The following UGGT1 variants were observed in gnomAD, a reference collection of about 807,000 sequenced individuals.
The protein encoded by UGGT1 is UDP-glucose:glycoprotein glucosyltransferase 1.
Under a neutral mutation model 203.9 loss-of-function variants are expected in UGGT1, and 107 were observed. The ratio of observed to expected loss-of-function variants is 0.52; its 90% CI spans 0.45 to 0.62. The LOEUF (loss-of-function observed/expected upper bound fraction) is 0.62. Among genes scored for constraint, UGGT1 ranks in the 20% least tolerant of loss-of-function variants. UGGT1 has a pLI of 0.00. For missense variants in UGGT1, 1,673 were observed against 1,867.2 expected (o/e 0.90, Z 1.92); for synonymous variants, 628 against 653.5 (o/e 0.96, Z 0.59).
chr2:128,166,158 A>G (rs1053410167), intron 26 of UGGT1, among the ~76,000 whole-genome samples: 3 of 152,218 alleles, frequency 2.0e-5, no homozygotes, highest in Non-Finnish European at 4.4e-5. Flanking sequence ...GAGCACCCAA[A>G]TATCCTTCAC....
chr2:128,134,775 A>G lies in UGGT1; in HGVS notation c.1498-101A>G, dbSNP rs1303552632. 4 of 972,532 alleles carry G rather than the reference A, an allele frequency of 4.1e-6. No homozygotes were observed. The East Asian group carries it at 7.7e-5, about 19-fold the overall frequency. The allele number at this position is 972,532 out of a possible 1,614,324, so 60.2% of individuals were successfully genotyped here. ...TTTTATGTGGTTCAAGCGTAGCTCG[A>G]AAAAGGTTGGCTTCATGTACAGTGA... is the stretch of plus-strand genomic sequence containing the variant. On this transcript the variant is annotated intron_variant, in intron 14 of 40. Coordinates refer to ENST00000259253, the MANE Select transcript of UGGT1 (RefSeq NM_020120.4).
At chr2:128,154,356 T>C (rs567982881) in intron 19 of UGGT1, among the ~76,000 whole-genome samples, 1 of 152,314 alleles carries the variant, frequency 6.6e-6, no homozygotes, top group Admixed American at 6.5e-5. Flanking sequence ...TCCTTTTCCA[T>C]TGAGTGTTGC....
At position 128,113,135 on chromosome 2, in the gene UGGT1, T is replaced by C; in HGVS notation, c.573T>C (p.Pro191=). ...ATCACAGATATCCCTCGTCTAATCCTGAAAGCCCTGTGGTGATTTTCTACT... is the reference window on the plus strand; with the variant it reads ...ATCACAGATATCCCTCGTCTAATCCCGAAAGCCCTGTGGTGATTTTCTACT... The part of the protein sequence containing the change: ...KGDHRYPSSN[P]ESPVVIFYSE... The change falls in exon 6 of 41, where the codon CCT becomes CCC. Residue 191 remains proline (P), a synonymous_variant. Coordinates refer to ENST00000259253, the MANE Select transcript of UGGT1 (RefSeq NM_020120.4). The C allele has an allele frequency of 6.2e-7, 1 of 1,612,136 alleles. No homozygotes were observed.
At chr2:128,154,060 T>TATACACACACACAC (rs147214333) in intron 19 of UGGT1, among the ~76,000 whole-genome samples, 2 of 149,796 alleles carry the variant, frequency 1.3e-5, no homozygotes, top group African/African-American at 4.9e-5. Flanking sequence ...CATGTATATA[T>TATACACACACACAC]ACACACACAC....
intron 39 of UGGT1, 112 bp from the exon 40 acceptor site, chr2:128,187,337 T>A: frequency 8.5e-7 from 1 of 1,183,356 alleles, no homozygotes; most frequent in Non-Finnish European, 1.2e-6. Flanking sequence ...ATCATTTGGT[T>A]CCTTACTATT....
chr2:128,160,625 T>C, intron 24 of UGGT1, 34 bp downstream of exon 24: 1 of 1,590,636 alleles, frequency 6.3e-7, no homozygotes, highest in South Asian at 1.1e-5. Flanking sequence ...TCACATTAGA[T>C]CCGTGAACAG....
chr2:128,187,434 C>A lies in UGGT1; in HGVS notation c.4477-15C>A. The A allele has an allele frequency of 6.2e-7, 1 of 1,609,828 alleles. No homozygotes were observed. On this transcript the variant is annotated splice_polypyrimidine_tract_variant and intron_variant, in intron 39 of 40. Transcript: ENST00000259253. ...TTCTTCAACTCAGCTGAAGTGTGTTCTTTTGGTTTCACAGTGTAATAATCC... is the reference window on the plus strand; with the variant it reads ...TTCTTCAACTCAGCTGAAGTGTGTTATTTTGGTTTCACAGTGTAATAATCC...
chr2:128,104,555 G>T (rs116333523), intron 3 of UGGT1, among the ~76,000 whole-genome samples: 10 of 152,198 alleles, frequency 6.6e-5, no homozygotes, highest in African/African-American at 1.9e-4. Context: ...GCTATATAGG[G>T]TGTAAACATT....
In UGGT1 at chr2:128,183,896, CTTG is replaced by C. The variant is rs1365944123; in HGVS notation, c.4359+110_4359+112del. 5.2e-5 allele frequency: 34 copies of C among 654,150 alleles called. No individual in the cohort carries two copies. The South Asian group carries it at 5.4e-4, about 10-fold the overall frequency. 40.5% of individuals were successfully genotyped at this position (654,150 alleles called of 1,614,324 possible). On this transcript the variant is annotated intron_variant, in intron 38 of 40. Transcript: ENST00000259253. ...CAGTCCTCTCCTCACAGGATGGCGT[CTTG>C]TTTTTTCATGGTGTGTGTGTGTGTG...
chr2:128,091,307 C>A lies in UGGT1; in HGVS notation c.-51C>A. 1 of 1,503,148 alleles carries A rather than the reference C, an allele frequency of 6.7e-7. No individual in the cohort carries two copies. The highest frequency in any genetic ancestry group is 1.2e-5 in the South Asian group (1 of 81,118). The allele number at this position is 1,503,148 out of a possible 1,614,324, so 93.1% of individuals were successfully genotyped here. A position where few individuals can be genotyped will look rare whatever the true frequency, so the allele number is the denominator to read the frequency against. On this transcript the variant is annotated 5_prime_UTR_variant, in exon 1 of 41. Transcript: ENST00000259253. The stretch of plus-strand genomic sequence containing the variant: ...CACTGCCGCTGCCGCCTCGCCCCGC[C>A]CTGCCCTGGCGTTGTCTCTGGCACT...
intron 13 of UGGT1, among the ~76,000 whole-genome samples, chr2:128,131,136 G>A (rs941393577): frequency 1.3e-5 from 2 of 151,170 alleles, no homozygotes; most frequent in African/African-American, 4.9e-5. Flanking sequence ...GGGAGGCTGA[G>A]GCAGGAGAAT....
chr2:128,103,047 G>A (rs755357205), intron 2 of UGGT1: 2 of 470,622 alleles, frequency 4.2e-6, no homozygotes, highest in Admixed American at 2.4e-5. Context: ...ACCAGGAAAT[G>A]TTTCTTATTT....
Position 128,189,736 on chromosome 2 carries a change from A to G in UGGT1, c.4662A>G (p.Glu1554=). The change falls in exon 41 of 41, where the codon GAA becomes GAG. Residue 1554 remains glutamate (E), a synonymous_variant. Transcript: ENST00000259253. The stretch of plus-strand genomic sequence containing the variant: ...CCTTAGGTCCTCAGAAACGTGAAGA[A>G]TTATGATCTCTGGAGAAGGACAGGA... The part of the protein sequence containing the change: ...PSREGPQKRE[E]L 1 of 1,613,110 alleles carries G rather than the reference A, an allele frequency of 6.2e-7. No homozygotes were observed. The highest frequency in any genetic ancestry group is 8.5e-7 in the Non-Finnish European group (1 of 1,179,444).
chr2:128,133,333 A>G, intron 14 of UGGT1, 73 bp downstream of exon 14: 1 of 1,571,576 alleles, frequency 6.4e-7, no homozygotes, highest in Non-Finnish European at 8.7e-7. Flanking sequence ...TGTCATGTAG[A>G]ATGGTCACTT....
intron 17 of UGGT1, among the ~76,000 whole-genome samples, chr2:128,145,229 A>G (rs1272683528): frequency 1.3e-5 from 2 of 152,188 alleles, no homozygotes; most frequent in Admixed American, 6.5e-5. Context: ...TAGAGCGCTT[A>G]TAATTTATGG....
In UGGT1 at chr2:128,097,406, T is replaced by C. The variant is rs775693481; in HGVS notation, c.59-23T>C. On this transcript the variant is annotated intron_variant, in intron 1 of 40. Transcript: ENST00000259253. ...AAAAAAAATTTCCTTGTAGCAAAAC[T>C]TCTTTTCTTTTTTTCCTTTTAGGAG... 3 of 1,583,360 alleles carry C rather than the reference T, an allele frequency of 1.9e-6. No homozygotes were observed. The East Asian group carries it at 6.7e-5, about 35-fold the overall frequency.
At chr2:128,129,837 T>C (rs1688790577) in intron 13 of UGGT1, among the ~76,000 whole-genome samples, 1 of 152,226 alleles carries the variant, frequency 6.6e-6, no homozygotes, top group Non-Finnish European at 1.5e-5. Context: ...AAAACTACTA[T>C]TGAAAATGTC....
In UGGT1 at chr2:128,113,718, C is replaced by T. The variant is rs1376992909; in HGVS notation, c.696+460C>T. Among the ~76,000 whole-genome samples, 3 of 3,096 alleles carry T rather than the reference C, an allele frequency of 9.7e-4. 1 individual carries two copies. The highest frequency in any genetic ancestry group is 1.1e-3 in the African/African-American group (3 of 2,650). The allele number at this position is 3,096 out of a possible 152,430, so 2.0% of individuals were successfully genotyped here. A position where few individuals can be genotyped will look rare whatever the true frequency, so the allele number is the denominator to read the frequency against. ...TGTGTAGGCCGGGCGCGGTGGCTCA[C>T]GCCTGTAATCCCAGCACTTTGGGAG... is the stretch of plus-strand genomic sequence containing the variant. On this transcript the variant is annotated intron_variant, in intron 6 of 40. Transcript: ENST00000259253.
chr2:128,098,463 A>G lies in UGGT1; in HGVS notation c.194+899A>G, dbSNP rs142908698. On this transcript the variant is annotated intron_variant, in intron 2 of 40. Transcript: ENST00000259253. ...GCAGCTCAATCTTTCTTTTTAAATGATAAAACGGTGGCTAGGTACGGTGGC... is the reference window on the plus strand; with the variant it reads ...GCAGCTCAATCTTTCTTTTTAAATGGTAAAACGGTGGCTAGGTACGGTGGC... Among the ~76,000 whole-genome samples the G allele has an allele frequency of 2.8e-3, 429 of 152,314 alleles. 3 individuals are homozygous for G. The highest frequency in any genetic ancestry group is 9.9e-3 in the African/African-American group (412 of 41,576).
Sources: allele counts gnomAD v4.1 joint callset (sites outside exome capture counted in the v4.1 genomes callset), GRCh38; gene constraint gnomAD v4.1.1; transcripts MANE v1.5; gene names NCBI Gene and HGNC (gene_info 2026-07-23, HGNC 2026-07-21).